The following FAM163B variants were observed in gnomAD, a reference collection of about 807,000 sequenced individuals.
FAM163B encodes protein FAM163B.
Under a neutral mutation model 7.6 loss-of-function variants are expected in FAM163B, and 4 were observed. The observed-to-expected ratio is 0.52, with a 90% CI of 0.26 to 1.20. FAM163B has a LOEUF of 1.20. FAM163B is among the 50% of genes most tolerant of loss of function. The probability of loss-of-function intolerance (pLI) is 0.14; values close to 1 mark genes in which losing one functional copy is unlikely to be tolerated. For missense variants in FAM163B, 250 were observed against 243.0 expected (o/e 1.03, Z -0.19); for synonymous variants, 120 against 111.6 (o/e 1.07, Z -0.47).
chr9:133,607,281 C>A (rs144993885), intron 1 of FAM163B, among the ~76,000 whole-genome samples: 59 of 152,304 alleles, frequency 3.9e-4, no homozygotes, highest in East Asian at 2.3e-3. Flanking sequence ...AAAAGGTGGA[C>A]AGAACTCGAG....
At position 133,601,693 on chromosome 9, in the gene FAM163B, C is replaced by A. The variant is rs961416158; in HGVS notation, c.-24+7384G>T. The stretch of plus-strand genomic sequence containing the variant: ...GGTTTTGAATGTTTTGAGTGAAGAC[C>A]CTGATGGGAAACCAGACGCCATCTC... On this transcript the variant is annotated intron_variant, in intron 1 of 2. Coordinates refer to ENST00000673969, the MANE Select transcript of FAM163B (RefSeq NM_001080515.3). The surrounding 1 kb of genome is among the most constrained non-coding windows in gnomAD (Gnocchi z 4.1). Among the ~76,000 whole-genome samples, 1 of 152,194 alleles carries A rather than the reference C, an allele frequency of 6.6e-6. No homozygotes were observed. Among genetic ancestry groups the A allele is most frequent in the Admixed American group, 6.5e-5 (1 of 15,284 alleles).
At position 133,601,472 on chromosome 9, in the gene FAM163B, C is replaced by T. The variant is rs1831728672; in HGVS notation, c.-24+7605G>A. ...GTCATGCTGTCAATACAAATAGCAG[C>T]ATTAACCACAGGGGCCTGGCCAGGC... On this transcript the variant is annotated intron_variant, in intron 1 of 2. Transcript: ENST00000673969. The surrounding 1 kb of genome is among the most constrained non-coding windows in gnomAD (Gnocchi z 4.1). Among the ~76,000 whole-genome samples the T allele has an allele frequency of 6.6e-6, 1 of 152,148 alleles. No individual in the cohort carries two copies. Among genetic ancestry groups the T allele is most frequent in the Non-Finnish European group, 1.5e-5 (1 of 68,020 alleles).
At chr9:133,604,995 G>A (rs749251384) in intron 1 of FAM163B, among the ~76,000 whole-genome samples, 5 of 152,224 alleles carry the variant, frequency 3.3e-5, no homozygotes, top group Admixed American at 6.5e-5. Flanking sequence ...TGGAGGTGGC[G>A]ATGATCCTGC....
intron 1 of FAM163B, among the ~76,000 whole-genome samples, chr9:133,588,783 G>A (rs1487891101): frequency 4.0e-5 from 5 of 124,006 alleles, no homozygotes; most frequent in African/African-American, 6.1e-5. Context: ...CAGGGTCACC[G>A]GGCACATCTG....
In FAM163B at chr9:133,580,128, T is replaced by C; in HGVS notation, c.93+3A>G. 3 of 1,611,096 alleles carry C rather than the reference T, an allele frequency of 1.9e-6. No homozygotes were observed. The highest frequency in any genetic ancestry group is 2.5e-6 in the Non-Finnish European group (3 of 1,179,808). ...TGTCCCCTTCCCCGCCGCCCGGGAATACCTGGAGCCGGCAGTAGCACAGAA... is the reference window on the plus strand; with the variant it reads ...TGTCCCCTTCCCCGCCGCCCGGGAACACCTGGAGCCGGCAGTAGCACAGAA... On this transcript the variant is annotated splice_donor_region_variant and intron_variant, in intron 2 of 2. Coordinates refer to ENST00000673969, the MANE Select transcript of FAM163B (RefSeq NM_001080515.3).
chr9:133,593,866 C>G (rs1006546526), intron 1 of FAM163B, among the ~76,000 whole-genome samples: 1 of 152,210 alleles, frequency 6.6e-6, no homozygotes, highest in Non-Finnish European at 1.5e-5. Context: ...CCTCACTGGC[C>G]TCTCCTTGGA....
chr9:133,577,482 GT>G lies in FAM163B; in HGVS notation c.*1539del, dbSNP rs1213294760. 1.3e-5 allele frequency among the ~76,000 whole-genome samples: 2 copies of G among 152,220 alleles called. No homozygotes were observed. Among genetic ancestry groups the G allele is most frequent in the African/African-American group, 4.8e-5 (2 of 41,452 alleles). Reference sequence around the variant, plus strand: ...CATAACGATTGTGACTTCGTCAGCCGTTCCCCCGACGCCTCTGGAAACTGGC... The same window carrying G: ...CATAACGATTGTGACTTCGTCAGCCGTCCCCCGACGCCTCTGGAAACTGGC... On this transcript the variant is annotated 3_prime_UTR_variant, in exon 3 of 3. Transcript: ENST00000673969.
In FAM163B at chr9:133,601,772, A is replaced by G. The variant is rs1831732884; in HGVS notation, c.-24+7305T>C. On this transcript the variant is annotated intron_variant, in intron 1 of 2. Transcript: ENST00000673969. This position sits in a 1 kb window ranked among gnomAD's most constrained non-coding sequence, Gnocchi z 4.1. ...GGGGGAGCCACAGCCACACAAAACC[A>G]CCAGCCATCTGACCACCATGGCGTC... Among the ~76,000 whole-genome samples, 1 of 152,186 alleles carries G rather than the reference A, an allele frequency of 6.6e-6. No individual in the cohort carries two copies. Among genetic ancestry groups the G allele is most frequent in the African/African-American group, 2.4e-5 (1 of 41,438 alleles).
chr9:133,596,240 G>A (rs929203429), intron 1 of FAM163B, among the ~76,000 whole-genome samples: 11 of 56,450 alleles, frequency 1.9e-4, no homozygotes, highest in South Asian at 9.3e-4. Context: ...TGGCCCGGGC[G>A]GCTGTGCGGG....
intron 1 of FAM163B, 38 bp from the exon 2 acceptor site, chr9:133,580,284 C>T (rs893519300): frequency 5.2e-5 from 76 of 1,456,378 alleles, no homozygotes; most frequent in Non-Finnish European, 7.2e-5. Context: ...CATCACGCTT[C>T]CTCACCACAA....
chr9:133,579,294 A>G lies in FAM163B; in HGVS notation c.229T>C (p.Ser77Pro), dbSNP rs1054581921. ...GGGGACTTCTGGCTGAAGGAGGTGG[A>G]GGCGGTGGGGTAGAGCGCCGGCCCG... is the stretch of plus-strand genomic sequence containing the variant. Reference protein sequence around the residue: ...TNGPALYPTASTSFSQKSPQA... With the variant: ...TNGPALYPTAPTSFSQKSPQA... The change falls in exon 3 of 3, where the codon TCC (serine) becomes CCC (proline). Residue 77 changes from serine to proline, a missense_variant. Transcript: ENST00000673969. 2.1e-5 allele frequency: 34 copies of G among 1,613,364 alleles called. No homozygotes were observed. The highest frequency in any genetic ancestry group is 2.9e-5 in the Non-Finnish European group (34 of 1,179,906).
At chr9:133,604,331 C>A (rs765587762) in intron 1 of FAM163B, among the ~76,000 whole-genome samples, 2 of 152,042 alleles carry the variant, frequency 1.3e-5, no homozygotes, top group Non-Finnish European at 2.9e-5. Context: ...CATGCAGACA[C>A]AACCAAGACC....
rs1000689466 is a variant in FAM163B at position 133,579,290 on chromosome 9, G to T, written c.233C>A (p.Thr78Asn). ...CTGCGGGGACTTCTGGCTGAAGGAG[G>T]TGGAGGCGGTGGGGTAGAGCGCCGG... ...NGPALYPTAS[T>N]SFSQKSPQAR... Residue 78 changes from threonine to asparagine, a missense_variant, in exon 3 of 3, where the codon ACC becomes AAC. Coordinates refer to ENST00000673969, the MANE Select transcript of FAM163B (RefSeq NM_001080515.3). 1 of 1,613,432 alleles carries T rather than the reference G, an allele frequency of 6.2e-7. No homozygotes were observed. Among genetic ancestry groups the T allele is most frequent in the Non-Finnish European group, 8.5e-7 (1 of 1,179,932 alleles).
At chr9:133,599,685 G>GTGTGCATGTGTATC (rs1178944238) in intron 1 of FAM163B, among the ~76,000 whole-genome samples, 2 of 151,232 alleles carry the variant, frequency 1.3e-5, no homozygotes, top group Non-Finnish European at 2.9e-5. Flanking sequence ...ATATGTGTCA[G>GTGTGCATGTGTATC]TGTGCATGTG....
At chr9:133,585,691 G>A (rs1831425313) in intron 1 of FAM163B, among the ~76,000 whole-genome samples, 1 of 152,222 alleles carries the variant, frequency 6.6e-6, no homozygotes, top group Non-Finnish European at 1.5e-5. Context: ...ACACACAGAC[G>A]TCCCGACGGC....
intron 1 of FAM163B, among the ~76,000 whole-genome samples, chr9:133,599,829 G>GT (rs1831688871): frequency 6.6e-6 from 1 of 151,108 alleles, no homozygotes. Flanking sequence ...GTGCATGAAT[G>GT]TGTGTCTGTG....
chr9:133,594,969 C>G (rs1445389937), intron 1 of FAM163B, among the ~76,000 whole-genome samples: 2 of 152,122 alleles, frequency 1.3e-5, no homozygotes, highest in Non-Finnish European at 2.9e-5. Context: ...GCAGAGACCC[C>G]GCAGGCAGCA....
intron 1 of FAM163B, among the ~76,000 whole-genome samples, chr9:133,595,935 G>C (rs1038017629): frequency 6.6e-6 from 1 of 152,186 alleles, no homozygotes; most frequent in South Asian, 2.1e-4. Context: ...ACTCTCAGCC[G>C]AATGAGAAGT....
At position 133,579,395 on chromosome 9, in the gene FAM163B, T is replaced by A; in HGVS notation, c.128A>T (p.Asp43Val). The change falls in exon 3 of 3, where the codon GAC (aspartate) becomes GTC (valine). Residue 43 changes from aspartate (D) to valine (V), a missense_variant. Physicochemically the swap from Asp to Val is radical, Grantham distance 152. Transcript: ENST00000673969. ...YCCKKDESEE[D>V]EEEPDFAVHS... is the part of the protein sequence containing the mutation. ...AACGGCGAAGTCTGGTTCCTCCTCG[T>A]CCTCCTCCGACTCGTCCTTCTTGCA... The A allele has an allele frequency of 6.2e-7, 1 of 1,609,292 alleles. No individual in the cohort carries two copies. Among genetic ancestry groups the A allele is most frequent in the Non-Finnish European group, 8.5e-7 (1 of 1,178,474 alleles).
Sources: gnomAD v4.1 joint callset for allele counts (sites outside exome capture counted in the v4.1 genomes callset) on GRCh38, gnomAD v4.1.1 for gene constraint, Gnocchi (gnomAD v3.1) non-coding constraint, MANE v1.5 for transcripts, NCBI Gene and HGNC (gene_info 2026-07-23, HGNC 2026-07-21) for gene names.